Variants in PLB1 observed in about 807,000 individuals in gnomAD.
PLB1 encodes phospholipase B1, membrane-associated.
PLB1 carries 242 observed loss-of-function variants against 227.4 expected under a neutral mutation model. The observed-to-expected ratio is 1.06, with a 90% confidence interval of 0.96 to 1.18. The LOEUF is 1.18. Ranked by LOEUF, PLB1 falls within the 50% of genes most tolerant of loss-of-function variation. The pLI is 0.00. For missense variants in PLB1, 1,858 were observed against 1,816.3 expected, an observed-to-expected ratio of 1.02 and a Z score of -0.42; for synonymous variants, 757 against 682.2, an observed-to-expected ratio of 1.11 and a Z score of -1.71.
intron 56 of PLB1, among the ~76,000 whole-genome samples, chr2:28,636,034 T>TGTGTGTGTATGTAG (rs1689301972): frequency 4.0e-5 from 1 of 24,806 alleles, no homozygotes; most frequent in Non-Finnish European, 1.3e-4. Flanking sequence ...TGTGTATGTG[T>TGTGTGTGTATGTAG]GTGTGTGTAT....
At chr2:28,532,657 G>A (rs764874403) in intron 9 of PLB1, among the ~76,000 whole-genome samples, 2 of 152,114 alleles carry the variant, frequency 1.3e-5, no homozygotes, top group African/African-American at 2.4e-5. Context: ...GAAAATTAGC[G>A]TCCTAGTTGG....
At chr2:28,540,073 C>A (rs1672265279) in intron 11 of PLB1, among the ~76,000 whole-genome samples, 1 of 136,810 alleles carries the variant, frequency 7.3e-6, no homozygotes, top group African/African-American at 2.8e-5. Flanking sequence ...CCCATACCCA[C>A]CCCCTAGGGA....
rs753358089 is a variant in PLB1 at position 28,628,566 on chromosome 2, G to GC, written c.3667dup (p.His1223ProfsTer19). 3.7e-6 allele frequency: 6 copies of GC among 1,613,908 alleles called. No homozygotes were observed. The highest frequency in any genetic ancestry group is 5.1e-6 in the Non-Finnish European group (6 of 1,179,960). On this transcript the variant is annotated frameshift_variant, in exon 52 of 58. Coordinates refer to ENST00000327757, the MANE Select transcript of PLB1 (RefSeq NM_153021.5). LOFTEE classifies it high-confidence loss of function. The stretch of plus-strand genomic sequence containing the variant: ...GAGTACCCTTTTTTCCTTACAGGAG[G>GC]CCCACTTGGCCACGGAATATGTTCA...
chr2:28,618,464 G>C (rs1237066008), intron 46 of PLB1, 65 bp downstream of exon 46: 6 of 1,523,718 alleles, frequency 3.9e-6, no homozygotes, highest in Non-Finnish European at 5.5e-6. Flanking sequence ...CGCAGAATCT[G>C]TGCTTCCCCA....
chr2:28,545,086 G>A (rs1403922921), intron 14 of PLB1, among the ~76,000 whole-genome samples: 4 of 152,124 alleles, frequency 2.6e-5, no homozygotes, highest in African/African-American at 9.7e-5. Flanking sequence ...AAAACTACTC[G>A]AGGGTCAGAA....
chr2:28,631,159 A>T (rs1485485247), intron 54 of PLB1, among the ~76,000 whole-genome samples: 5 of 131,350 alleles, frequency 3.8e-5, no homozygotes, highest in African/African-American at 1.1e-4. Context: ...TCTCAAAAAA[A>T]AAAAAAAGAA....
chr2:28,612,608 C>CT (rs1257111229), intron 43 of PLB1, among the ~76,000 whole-genome samples: 8 of 147,272 alleles, frequency 5.4e-5, no homozygotes, highest in African/African-American at 1.8e-4. Flanking sequence ...TCTGGTTTTC[C>CT]CTTTTTTTTT....
chr2:28,586,460 C>T (rs1680922406), intron 26 of PLB1, among the ~76,000 whole-genome samples: 1 of 152,208 alleles, frequency 6.6e-6, no homozygotes, highest in Non-Finnish European at 1.5e-5. Flanking sequence ...AATCGAGTTT[C>T]TCCCCAGCAA....
chr2:28,532,020 T>G, intron 8 of PLB1, 88 bp from the exon 9 acceptor site: 1 of 1,039,064 alleles, frequency 9.6e-7, no homozygotes, highest in Non-Finnish European at 1.4e-6. Context: ...GATGGGTGTA[T>G]GAAATGGAAA....
At chr2:28,518,408 A>G in intron 2 of PLB1, 58 bp from the exon 3 acceptor site, 2 of 1,314,392 alleles carry the variant, frequency 1.5e-6, no homozygotes, top group South Asian at 2.4e-5. Flanking sequence ...AGTTTTCAGG[A>G]CCTGCAATAT....
At chr2:28,620,122 G>A in intron 46 of PLB1, 143 bp from the exon 47 acceptor site, 2 of 550,734 alleles carry the variant, frequency 3.6e-6, no homozygotes, top group East Asian at 6.2e-5. Context: ...ACCACTCCAA[G>A]TTTAATATGG....
intron 2 of PLB1, 89 bp downstream of exon 2, chr2:28,516,958 A>G: frequency 7.6e-7 from 1 of 1,313,430 alleles, no homozygotes; most frequent in Non-Finnish European, 1.1e-6. Flanking sequence ...TTTTGGTGCA[A>G]GTTGACAGGC....
rs1456734002 is a variant in PLB1 at position 28,603,989 on chromosome 2, C to T, written c.2798C>T (p.Thr933Ile). 6.2e-6 allele frequency: 10 copies of T among 1,614,254 alleles called. No homozygotes were observed. Among genetic ancestry groups the T allele is most frequent in the Non-Finnish European group, 8.5e-6 (10 of 1,180,042 alleles). The change falls in exon 40 of 58, where the codon ACC becomes ATC. Residue 933 changes from threonine to isoleucine, a missense_variant. By Grantham distance (89) the Thr-to-Ile change is moderately conservative (BLOSUM62 -1). Coordinates refer to ENST00000327757, the MANE Select transcript of PLB1 (RefSeq NM_153021.5). ...AGCGTTTTGTGTAACTGCGTTCTGACCCTGCGGGAGAACTCCCAAGAGCTA... is the reference window on the plus strand; with the variant it reads ...AGCGTTTTGTGTAACTGCGTTCTGATCCTGCGGGAGAACTCCCAAGAGCTA... The part of the protein sequence containing the change: ...QASVLCNCVL[T>I]LRENSQELAR...
intron 1 of PLB1, among the ~76,000 whole-genome samples, chr2:28,512,688 C>CTTTTTTT (rs34213887): frequency 1.4e-5 from 2 of 143,146 alleles, no homozygotes. Context: ...TTTCTTTCTT[C>CTTTTTTT]TTTTTTTTTT....
chr2:28,540,829 C>A (rs1006525918), intron 12 of PLB1, among the ~76,000 whole-genome samples: 15 of 152,294 alleles, frequency 9.8e-5, no homozygotes, highest in East Asian at 3.9e-4. Flanking sequence ...CAAAGGCAAA[C>A]CAGGGCTCCT....
rs746205635 is a variant in PLB1, at chr2:28,549,412, C to CTTTTTTTTTTTTTTTTT, written c.1008+487_1008+503dup. 2.9e-4 allele frequency among the ~76,000 whole-genome samples: 25 copies of CTTTTTTTTTTTTTTTTT among 87,276 alleles called. 3 individuals carry two copies. The highest frequency in any genetic ancestry group is 8.7e-4 in the African/African-American group (19 of 21,858). The allele number at this position is 87,276 out of a possible 152,430, so 57.3% of individuals were successfully genotyped here. A position where few individuals can be genotyped will look rare whatever the true frequency, so the allele number is the denominator to read the frequency against. On this transcript the variant is annotated intron_variant, in intron 15 of 57. Transcript: ENST00000327757. ...TGGACATAAATGAATGAGATTCTTTCTTTTTTTTTTTTTTTTTTTTTTGAG... is the reference window on the plus strand; with the variant it reads ...TGGACATAAATGAATGAGATTCTTTCTTTTTTTTTTTTTTTTTTTTTTTTTTTTTTTTTTTTTTTGAG...
intron 1 of PLB1, among the ~76,000 whole-genome samples, chr2:28,496,877 G>A (rs1666513998): frequency 6.6e-6 from 1 of 152,244 alleles, no homozygotes; most frequent in Non-Finnish European, 1.5e-5. Flanking sequence ...CCAGATGAGA[G>A]GACGGGGTCT....
intron 43 of PLB1, among the ~76,000 whole-genome samples, chr2:28,609,755 C>T (rs1176232814): frequency 4.6e-5 from 7 of 152,106 alleles, no homozygotes; most frequent in Non-Finnish European, 8.8e-5. Flanking sequence ...TTTCTGCCAA[C>T]TTCATTAGGG....
Position 28,589,513 on chromosome 2 carries a change from G to A in PLB1, c.1879G>A (p.Val627Met), listed in dbSNP as rs144071458. Reference protein sequence around the residue: ...YDTREDFTVVVQPFFENVDMP... With the variant: ...YDTREDFTVVMQPFFENVDMP... ...CACAAGGGAAGATTTTACTGTGGTT[G>A]TGCAGCCGTTCTTTGAAAACGTGGA... The change falls in exon 27 of 58, where the codon GTG becomes ATG. Residue 627 changes from valine (V) to methionine (M), a missense_variant. Coordinates refer to ENST00000327757, the MANE Select transcript of PLB1 (RefSeq NM_153021.5). 1 of 1,614,226 alleles carries A rather than the reference G, an allele frequency of 6.2e-7. No homozygotes were observed.
Sources: gnomAD v4.1 joint callset for allele counts (sites outside exome capture counted in the v4.1 genomes callset) on GRCh38, gnomAD v4.1.1 for gene constraint, MANE v1.5 for transcripts, NCBI Gene and HGNC (gene_info 2026-07-23, HGNC 2026-07-21) for gene names.